Variants in PAGE2B observed in about 807,000 individuals in gnomAD.
PAGE2B encodes putative G antigen family E member 3.
A neutral mutation model predicts 7.6 loss-of-function variants in PAGE2B; 5 were observed. The observed-to-expected ratio is 0.66, with a 90% CI of 0.34 to 1.38. The LOEUF (loss-of-function observed/expected upper bound fraction) is 1.38, where lower values mean the gene tolerates loss of function less well. PAGE2B is among the 40% of genes most tolerant of loss of function. The pLI is 0.04. For synonymous variants in PAGE2B, 29 were observed against 26.7 expected, an observed-to-expected ratio of 1.09 and a Z score of -0.27; for missense variants, 70 against 78.4, an observed-to-expected ratio of 0.89 and a Z score of 0.41.
At chrX:55,074,899 G>T (rs1314629706), upstream of PAGE2B, among the ~76,000 whole-genome samples, 2 of 112,589 alleles carry the variant, frequency 1.8e-5, no homozygotes, top group African/African-American at 6.5e-5. Flanking sequence ...ACAGACGCAG[G>T]AAAACATCAG....
the PAGE2B span, among the ~76,000 whole-genome samples, chrX:55,042,213 G>A: frequency 1.8e-5 from 2 of 111,105 alleles, no homozygotes; most frequent in Non-Finnish European, 3.8e-5. Context: ...AAAGTTTCAG[G>A]ATACAAAATT....
chrX:55,058,007 C>T, the PAGE2B span, among the ~76,000 whole-genome samples: 2 of 111,572 alleles, frequency 1.8e-5, no homozygotes, highest in South Asian at 7.5e-4. Context: ...AGATAGCCTA[C>T]CACTGGCCAT....
rs1354846029 is a variant in PAGE2B, at chrX:55,076,026, A to G, written c.-8-8A>G. 7 of 1,199,424 alleles carry G rather than the reference A, an allele frequency of 5.8e-6. No individual in the cohort carries two copies. Among genetic ancestry groups the G allele is most frequent in the South Asian group, 3.6e-5 (2 of 55,801 alleles). On this transcript the variant is annotated splice_polypyrimidine_tract_variant and splice_region_variant and intron_variant, in intron 1 of 4. Transcript: ENST00000374971. ...CACTTTTTCCAAATAACAGTATTCT[A>G]TTTTCAGTGGGAAATATGAGTGAGC...
At chrX:55,046,006 A>G in the PAGE2B span, among the ~76,000 whole-genome samples, 4 of 112,177 alleles carry the variant, frequency 3.6e-5, no homozygotes, top group Non-Finnish European at 7.5e-5. Flanking sequence ...AGGAAATCAT[A>G]GAGGCACGGA....
rs1936490525 is a variant in PAGE2B at position 55,075,079 on chromosome X, C to T, written c.-44C>T. 1 of 116,391 alleles carries T rather than the reference C, an allele frequency of 8.6e-6. No individual in the cohort carries two copies. Among genetic ancestry groups the T allele is most frequent in the Non-Finnish European group, 1.8e-5 (1 of 55,608 alleles). The allele number at this position is 116,391 out of a possible 1,213,427, so 9.6% of individuals were successfully genotyped here. On this transcript the variant is annotated 5_prime_UTR_variant, in exon 1 of 5. Coordinates refer to ENST00000374971, the MANE Select transcript of PAGE2B (RefSeq NM_001015038.3). ...AGGAGAGTGTCTTCATTCTTTCCGC[C>T]ATCTTGATTCTTTGTCACTGACCGA...
chrX:55,056,658 G>C, the PAGE2B span, among the ~76,000 whole-genome samples: 2 of 110,760 alleles, frequency 1.8e-5, no homozygotes, highest in East Asian at 5.7e-4. Context: ...AAGGGTTCCA[G>C]CAAGAAAGCC....
chrX:55,046,204 C>T, the PAGE2B span, among the ~76,000 whole-genome samples: 1 of 111,490 alleles, frequency 9.0e-6, no homozygotes, highest in Non-Finnish European at 1.9e-5. Flanking sequence ...ACCTCCACTT[C>T]CCGGGTTCAA....
chrX:55,060,053 G>A, the PAGE2B span, among the ~76,000 whole-genome samples: 3 of 111,242 alleles, frequency 2.7e-5, no homozygotes, highest in African/African-American at 9.8e-5. Context: ...GGACACTTAG[G>A]CTGATTCCAT....
chrX:55,064,558 T>G, the PAGE2B span, among the ~76,000 whole-genome samples: 1 of 111,715 alleles, frequency 9.0e-6, no homozygotes, highest in Non-Finnish European at 1.9e-5. Context: ...ATTTCTACTC[T>G]GATCTTTATT....
chrX:55,031,405 C>T, the PAGE2B span, among the ~76,000 whole-genome samples: 3 of 111,589 alleles, frequency 2.7e-5, no homozygotes, highest in Admixed American at 9.5e-5. Context: ...ACTAGATCCC[C>T]GGTTGTTGTA....
At chrX:55,076,172 A>G in intron 2 of PAGE2B, 47 bp downstream of exon 2, 1 of 1,169,387 alleles carries the variant, frequency 8.6e-7, no homozygotes, top group Non-Finnish European at 1.2e-6. Context: ...AATTTATTTT[A>G]AGAAATATTT....
chrX:55,057,271 A>G, the PAGE2B span, among the ~76,000 whole-genome samples: 1 of 111,717 alleles, frequency 9.0e-6, no homozygotes, highest in South Asian at 3.8e-4. Flanking sequence ...GTTACCAGGG[A>G]AACTGAAGCT....
upstream of PAGE2B, among the ~76,000 whole-genome samples, chrX:55,073,365 C>T: frequency 9.0e-6 from 1 of 111,038 alleles, no homozygotes; most frequent in Middle Eastern, 4.7e-3. Context: ...CCTGCTTTTG[C>T]TCACCCTCCA....
At chrX:55,071,895 C>T (rs374962036), upstream of PAGE2B, among the ~76,000 whole-genome samples, 69 of 111,664 alleles carry the variant, frequency 6.2e-4, no homozygotes, top group South Asian at 0.022. Flanking sequence ...TCTGTTTTTC[C>T]GCTCCCTCAG....
the PAGE2B span, among the ~76,000 whole-genome samples, chrX:55,059,822 T>C: frequency 9.0e-6 from 1 of 111,675 alleles, no homozygotes; most frequent in East Asian, 2.8e-4. Flanking sequence ...TCTCAGTTTC[T>C]ATCAATTAGA....
the PAGE2B span, among the ~76,000 whole-genome samples, chrX:55,046,399 C>T: frequency 8.9e-6 from 1 of 112,036 alleles, no homozygotes; most frequent in Non-Finnish European, 1.9e-5. Context: ...CAGGCGTGAG[C>T]CACTACGCCT....
upstream of PAGE2B, among the ~76,000 whole-genome samples, chrX:55,071,090 T>C (rs371887010): frequency 6.2e-5 from 7 of 112,182 alleles, no homozygotes; most frequent in South Asian, 2.2e-3. Context: ...TGCTAGCTAG[T>C]TATTTTGCCA....
At chrX:55,035,718 T>A in the PAGE2B span, among the ~76,000 whole-genome samples, 1 of 112,279 alleles carries the variant, frequency 8.9e-6, no homozygotes, top group South Asian at 3.7e-4. Flanking sequence ...ATTTCACCTG[T>A]CTGAATTTCA....
the PAGE2B span, among the ~76,000 whole-genome samples, chrX:55,048,099 C>T: frequency 3.6e-5 from 4 of 111,826 alleles, no homozygotes; most frequent in Non-Finnish European, 7.5e-5. Context: ...TTGTTTTTCT[C>T]AGGTTTGTCA....
Sources: gnomAD v4.1 joint callset for allele counts (sites outside exome capture counted in the v4.1 genomes callset) on GRCh38, gnomAD v4.1.1 for gene constraint, MANE v1.5 for transcripts, NCBI Gene and HGNC (gene_info 2026-07-23, HGNC 2026-07-21) for gene names.